The following ANKHD1 variants were observed in gnomAD, a reference collection of about 807,000 sequenced individuals.
ANKHD1 encodes ankyrin repeat and KH domain-containing protein 1.
Under a neutral mutation model 230.5 loss-of-function variants are expected in ANKHD1, and 31 were observed. That is an observed-to-expected ratio of 0.13 (90% CI 0.10 to 0.18). The LOEUF (loss-of-function observed/expected upper bound fraction) is 0.18, where lower values mean the gene tolerates loss of function less well. Among genes scored for constraint, ANKHD1 ranks in the 10% least tolerant of loss-of-function variants. The pLI, the probability that ANKHD1 is intolerant of heterozygous loss-of-function variation, is 1.00. For synonymous variants in ANKHD1, 1,074 were observed against 1,117.6 expected (o/e 0.96, Z 0.78); for missense variants, 2,256 against 3,071.3 (o/e 0.73, Z 6.27).
chr5:140,422,587 A>G (rs542301768), intron 1 of ANKHD1, among the ~76,000 whole-genome samples: 108 of 150,786 alleles, frequency 7.2e-4, no homozygotes, highest in African/African-American at 2.5e-3. Flanking sequence ...TTCTGGGCGG[A>G]TCGTGAGGTC....
At position 140,485,682 on chromosome 5, in the gene ANKHD1, C is replaced by G; in HGVS notation, c.2092C>G (p.Pro698Ala). ...LDYPNNVLSV[P>A]TTDVSQLPPP... ...TTATCCAAATAATGTTCTGTCAGTT[C>G]CCACCACAGATGTGTCTCAGCTCCC... The change falls in exon 13 of 34, where the codon CCC (proline) becomes GCC (alanine). Residue 698 changes from proline to alanine, a missense_variant. Pro to Ala is a conservative substitution (Grantham distance 27). This residue lies in a region of ANKHD1 where 358 missense variants were observed against 397.7 expected (regional missense o/e 0.90). Transcript: ENST00000360839. The surrounding 1 kb of genome is among the most constrained non-coding windows in gnomAD (Gnocchi z 4.8). 1 of 1,614,010 alleles carries G rather than the reference C, an allele frequency of 6.2e-7. No homozygotes were observed. Among genetic ancestry groups the G allele is most frequent in the Non-Finnish European group, 8.5e-7 (1 of 1,179,982 alleles).
In ANKHD1 at chr5:140,528,030, T is replaced by C. The variant is rs771007944; in HGVS notation, c.5237+8T>C. 6.2e-7 allele frequency: 1 copy of C among 1,612,862 alleles called. No homozygotes were observed. Among genetic ancestry groups the C allele is most frequent in the Non-Finnish European group, 8.5e-7 (1 of 1,179,472 alleles). On this transcript the variant is annotated splice_region_variant and intron_variant, in intron 28 of 33. Transcript: ENST00000360839. ...GAGAATGATCACAATAAGGTAATTGTGCAAAATGTATACTGCTAGTTCTGA... is the reference window on the plus strand; with the variant it reads ...GAGAATGATCACAATAAGGTAATTGCGCAAAATGTATACTGCTAGTTCTGA...
rs1015300432 is a variant in ANKHD1 at position 140,538,840 on chromosome 5, A to G, written c.7405-79A>G. The G allele has an allele frequency of 1.1e-5, 15 of 1,323,998 alleles. No homozygotes were observed. The African/African-American group carries it at 2.1e-4, about 19-fold the overall frequency. The allele number at this position is 1,323,998 out of a possible 1,614,324, so 82.0% of individuals were successfully genotyped here. Reference sequence around the variant, plus strand: ...TAAATGAGGAATATTAGAGAAGTCTAAGCTGGTATTATGGGATTTATAGTA... The same window carrying G: ...TAAATGAGGAATATTAGAGAAGTCTGAGCTGGTATTATGGGATTTATAGTA... On this transcript the variant is annotated intron_variant, in intron 32 of 33. Transcript: ENST00000360839.
chr5:140,484,974 T>C (rs1269010286), intron 11 of ANKHD1, 147 bp from the exon 12 acceptor site: 2 of 1,287,414 alleles, frequency 1.6e-6, no homozygotes, highest in Non-Finnish European at 2.0e-6. Flanking sequence ...GTGTTCATTT[T>C]GTGAAAAAAA....
chr5:140,458,547 G>C, intron 7 of ANKHD1, 78 bp from the exon 8 acceptor site: 1 of 1,446,326 alleles, frequency 6.9e-7, no homozygotes, highest in Non-Finnish European at 9.4e-7. Flanking sequence ...CCAATCTCTT[G>C]CTTTCTTCTC....
At chr5:140,421,697 A>T (rs1423995584) in intron 1 of ANKHD1, among the ~76,000 whole-genome samples, 2 of 152,200 alleles carry the variant, frequency 1.3e-5, no homozygotes, top group African/African-American at 4.8e-5. Flanking sequence ...TCACAGTCTT[A>T]TCACTTGCTC....
intron 1 of ANKHD1, among the ~76,000 whole-genome samples, chr5:140,422,910 C>G (rs910850726): frequency 1.3e-5 from 2 of 151,434 alleles, no homozygotes; most frequent in Non-Finnish European, 2.9e-5. Context: ...GGGTCTTGCT[C>G]TTTCGCCCAG....
Position 140,438,388 on chromosome 5 carries a change from T to G in ANKHD1, c.461-73T>G, listed in dbSNP as rs369356726. 5.5e-6 allele frequency: 8 copies of G among 1,444,272 alleles called. No homozygotes were observed. In the African/African-American group the frequency reaches 8.5e-5, roughly 15 times the overall value. The allele number at this position is 1,444,272 out of a possible 1,614,324, so 89.5% of individuals were successfully genotyped here. ...TCCTAGATAATAGTGTTTAGAAATA[T>G]AATTACAATTTGCACTTTTATACTT... On this transcript the variant is annotated intron_variant, in intron 2 of 33. Transcript: ENST00000360839.
At chr5:140,511,581 C>T (rs1324897497) in intron 22 of ANKHD1, among the ~76,000 whole-genome samples, 3 of 152,212 alleles carry the variant, frequency 2.0e-5, no homozygotes, top group African/African-American at 7.2e-5. Context: ...ATGTACTTAC[C>T]ATTTTAATGC....
chr5:140,442,863 T>C (rs1773964919), intron 5 of ANKHD1, among the ~76,000 whole-genome samples: 1 of 152,124 alleles, frequency 6.6e-6, no homozygotes, highest in Admixed American at 6.6e-5. Context: ...ATACCCTATG[T>C]GCAATTTTGT....
At chr5:140,435,719 G>T (rs976977250) in intron 1 of ANKHD1, among the ~76,000 whole-genome samples, 2 of 151,468 alleles carry the variant, frequency 1.3e-5, no homozygotes, top group African/African-American at 2.4e-5. Context: ...TTTTTTAATA[G>T]ATATGGGGTT....
intron 30 of ANKHD1, among the ~76,000 whole-genome samples, chr5:140,536,213 C>G (rs944082802): frequency 6.6e-6 from 1 of 152,184 alleles, no homozygotes; most frequent in South Asian, 2.1e-4. Flanking sequence ...CCTGCCTCAG[C>G]CTTCCGAGCA....
In ANKHD1 at chr5:140,528,229, A is replaced by C. The variant is rs368264041; in HGVS notation, c.5283A>C (p.Ala1761=). Residue 1761 remains alanine, a synonymous_variant, in exon 29 of 34, where the codon GCA becomes GCC. Coordinates refer to ENST00000360839, the MANE Select transcript of ANKHD1 (RefSeq NM_017747.3). The part of the protein sequence containing the change: ...STRYAVQLIN[A]LIQDPAKELE... ...GATATGCAGTTCAACTAATCAATGCACTCATTCAAGATCCTGCTAAGGAAC... is the reference window on the plus strand; with the variant it reads ...GATATGCAGTTCAACTAATCAATGCCCTCATTCAAGATCCTGCTAAGGAAC... The C allele has an allele frequency of 1.2e-6, 2 of 1,610,738 alleles. No homozygotes were observed. The highest frequency in any genetic ancestry group is 2.7e-5 in the African/African-American group (2 of 73,722).
intron 24 of ANKHD1, 53 bp downstream of exon 24, chr5:140,513,532 G>C: frequency 1.3e-6 from 2 of 1,568,634 alleles, no homozygotes; most frequent in Middle Eastern, 2.0e-4. Context: ...GTGGGGGCCG[G>C]GCACGGTGGC....
At chr5:140,423,134 G>A (rs1561696813) in intron 1 of ANKHD1, among the ~76,000 whole-genome samples, 2 of 152,064 alleles carry the variant, frequency 1.3e-5, no homozygotes, top group Admixed American at 1.3e-4. Flanking sequence ...CTGGCCTTAA[G>A]TGATCGTCCT....
chr5:140,522,480 T>C (rs1326067513), intron 24 of ANKHD1, among the ~76,000 whole-genome samples: 3 of 152,196 alleles, frequency 2.0e-5, no homozygotes, highest in African/African-American at 7.2e-5. Context: ...TAAACTAAAA[T>C]TTGCTATCAA....
chr5:140,510,133 T>A lies in ANKHD1; in HGVS notation c.4056T>A (p.Asp1352Glu), dbSNP rs1752693997. Residue 1352 changes from aspartate (D) to glutamate (E), a missense_variant, in exon 22 of 34, where the codon GAT becomes GAA. By Grantham distance (45) the Asp-to-Glu change is conservative. Around this residue, in one of 13 missense-constraint regions of ANKHD1, gnomAD observed 195 missense variants for 340.3 expected, o/e 0.57. Transcript: ENST00000360839. ...QLLVQAGADVDAADNRKITPL... is the reference protein window; with the variant it reads ...QLLVQAGADVEAADNRKITPL... ...TAGTGCAAGCAGGTGCTGATGTGGATGCAGCAGATAACCGGAAAATCACAC... is the reference window on the plus strand; with the variant it reads ...TAGTGCAAGCAGGTGCTGATGTGGAAGCAGCAGATAACCGGAAAATCACAC... 6.2e-7 allele frequency: 1 copy of A among 1,613,604 alleles called. No individual in the cohort carries two copies. The highest frequency in any genetic ancestry group is 1.7e-5 in the Admixed American group (1 of 59,950).
At chr5:140,536,153 G>A (rs1159605532) in intron 30 of ANKHD1, among the ~76,000 whole-genome samples, 3 of 152,184 alleles carry the variant, frequency 2.0e-5, no homozygotes, top group Non-Finnish European at 4.4e-5. Flanking sequence ...GAGTGCAGTG[G>A]CACGATCTTG....
chr5:140,504,674 T>C (rs1268306486), intron 15 of ANKHD1, 147 bp from the exon 16 acceptor site: 14 of 1,073,472 alleles, frequency 1.3e-5, no homozygotes, highest in Non-Finnish European at 1.8e-5. Context: ...AACTAATATT[T>C]AAATGTAGGT....
Sources: gnomAD v4.1 joint callset for allele counts (sites outside exome capture counted in the v4.1 genomes callset) on GRCh38, gnomAD v4.1.1 for gene constraint, gnomAD v4.1.1 regional missense constraint, Gnocchi (gnomAD v3.1) non-coding constraint, MANE v1.5 for transcripts, NCBI Gene and HGNC (gene_info 2026-07-23, HGNC 2026-07-21) for gene names.